The following ZNF474 variants were observed in gnomAD, a reference collection of about 807,000 sequenced individuals.
ZNF474 encodes 4933409D10Rik.
For synonymous variants in ZNF474, 192 were observed against 162.2 expected (o/e 1.18, Z -1.39); for missense variants, 511 against 433.8 (o/e 1.18, Z -1.58).
chr5:122,139,180 A>T (rs1167648642), intron 1 of ZNF474, among the ~76,000 whole-genome samples: 1 of 152,218 alleles, frequency 6.6e-6, no homozygotes, highest in East Asian at 1.9e-4. Context: ...CCCTTCAGTT[A>T]ACCTGTTTCC....
chr5:122,136,554 A>T (rs1282893070), intron 1 of ZNF474, among the ~76,000 whole-genome samples: 1 of 152,294 alleles, frequency 6.6e-6, no homozygotes. Context: ...CTGGTTGCTC[A>T]CTACTTGATA....
intron 1 of ZNF474, among the ~76,000 whole-genome samples, chr5:122,146,904 C>G (rs1319257646): frequency 6.6e-6 from 1 of 152,124 alleles, no homozygotes; most frequent in African/African-American, 2.4e-5. Flanking sequence ...TTCTCTTCTT[C>G]CTTTTCAAGA....
intron 1 of ZNF474, among the ~76,000 whole-genome samples, chr5:122,145,035 G>T (rs182578628): frequency 6.6e-6 from 1 of 152,296 alleles, no homozygotes; most frequent in South Asian, 2.1e-4. Flanking sequence ...AGTTAGAAGC[G>T]CAAAGAGTGC....
rs1580610951 is a variant in ZNF474, at chr5:122,151,852, T to C, written c.-139T>C. 1 of 1,030,242 alleles carries C rather than the reference T, an allele frequency of 9.7e-7. No homozygotes were observed. The highest frequency in any genetic ancestry group is 1.4e-6 in the Non-Finnish European group (1 of 717,016). 63.8% of individuals were successfully genotyped at this position (1,030,242 alleles called of 1,614,324 possible). A position where few individuals can be genotyped will look rare whatever the true frequency, so the allele number is the denominator to read the frequency against. ...TGCCGTCCTGCAATGAAGCTCTGAGTCACGGTCTGTGAGGCTAAGGTACTG... is the reference window on the plus strand; with the variant it reads ...TGCCGTCCTGCAATGAAGCTCTGAGCCACGGTCTGTGAGGCTAAGGTACTG... On this transcript the variant is annotated 5_prime_UTR_variant, in exon 2 of 2. Transcript: ENST00000296600.
At chr5:122,134,688 C>G (rs1258113887) in intron 1 of ZNF474, among the ~76,000 whole-genome samples, 1 of 152,112 alleles carries the variant, frequency 6.6e-6, no homozygotes, top group African/African-American at 2.4e-5. Flanking sequence ...GATGAGATAC[C>G]TTCCAAAAAT....
chr5:122,153,148 TGCCTTGTATCA>T lies in ZNF474; in HGVS notation c.*68_*78del. ...CAGCCCCTAGTATTTTTTCTATCAA[TGCCTTGTATCA>T]GCCTCAAAGCAGCCTGTTCAAGTTA... On this transcript the variant is annotated 3_prime_UTR_variant, in exon 2 of 2. Transcript: ENST00000296600. The T allele has an allele frequency of 6.5e-7, 1 of 1,539,246 alleles. No homozygotes were observed. The highest frequency in any genetic ancestry group is 1.4e-5 in the African/African-American group (1 of 72,512).
intron 1 of ZNF474, among the ~76,000 whole-genome samples, chr5:122,144,418 A>G (rs1755931758): frequency 6.6e-6 from 1 of 152,218 alleles, no homozygotes; most frequent in Non-Finnish European, 1.5e-5. Context: ...AGCTACAGGC[A>G]CAGCTGTTAC....
chr5:122,132,831 C>G (rs775557770), intron 1 of ZNF474, among the ~76,000 whole-genome samples: 2 of 152,106 alleles, frequency 1.3e-5, no homozygotes, highest in Non-Finnish European at 2.9e-5. Flanking sequence ...ACTGTCTATC[C>G]TGTTACATGG....
At chr5:122,140,610 T>C (rs1755812771) in intron 1 of ZNF474, among the ~76,000 whole-genome samples, 1 of 152,184 alleles carries the variant, frequency 6.6e-6, no homozygotes, top group Non-Finnish European at 1.5e-5. Flanking sequence ...ACACCTAGTA[T>C]ACAACTATAA....
At chr5:122,145,933 G>A (rs1755976849) in intron 1 of ZNF474, among the ~76,000 whole-genome samples, 1 of 152,190 alleles carries the variant, frequency 6.6e-6, no homozygotes, top group Non-Finnish European at 1.5e-5. Flanking sequence ...AGATCTCCAA[G>A]GAGGACGCAC....
At chr5:122,136,301 A>T (rs1389314199) in intron 1 of ZNF474, among the ~76,000 whole-genome samples, 1 of 152,178 alleles carries the variant, frequency 6.6e-6, no homozygotes, top group African/African-American at 2.4e-5. Context: ...TAAAAATTTA[A>T]AAAAGAAGAT....
intron 1 of ZNF474, among the ~76,000 whole-genome samples, chr5:122,146,146 C>T (rs183674619): frequency 1.3e-5 from 2 of 152,312 alleles, no homozygotes; most frequent in South Asian, 2.1e-4. Flanking sequence ...TTCTTGCATT[C>T]TCCTCCCATT....
At chr5:122,149,657 TTC>T (rs757295602) in intron 1 of ZNF474, among the ~76,000 whole-genome samples, 1 of 152,238 alleles carries the variant, frequency 6.6e-6, no homozygotes, top group Non-Finnish European at 1.5e-5. Flanking sequence ...TACTTGTCTT[TTC>T]TGAGTCAGTT....
At chr5:122,149,104 G>A (rs1425986602) in intron 1 of ZNF474, among the ~76,000 whole-genome samples, 6 of 152,070 alleles carry the variant, frequency 3.9e-5, no homozygotes, top group Admixed American at 2.6e-4. Flanking sequence ...GGAGCTAAAC[G>A]TCAAGTACAC....
intron 1 of ZNF474, chr5:122,147,800 A>G (rs749514416): frequency 1.3e-5 from 2 of 152,174 alleles, no homozygotes; most frequent in Non-Finnish European, 2.9e-5. Flanking sequence ...TCTAATGCCA[A>G]GATGGTTTTT....
At chr5:122,149,280 A>C (rs1756098554) in intron 1 of ZNF474, among the ~76,000 whole-genome samples, 1 of 152,128 alleles carries the variant, frequency 6.6e-6, no homozygotes, top group Non-Finnish European at 1.5e-5. Context: ...TGTACCCCGA[A>C]CCTATAATAA....
intron 1 of ZNF474, among the ~76,000 whole-genome samples, chr5:122,135,584 T>C (rs1035585601): frequency 3.3e-5 from 5 of 152,146 alleles, no homozygotes; most frequent in Non-Finnish European, 5.9e-5. Context: ...AGTATGGAAG[T>C]TCCTCACAAA....
At chr5:122,141,095 TTTTTA>T (rs201853082) in intron 1 of ZNF474, among the ~76,000 whole-genome samples, 2,023 of 53,172 alleles carry the variant, frequency 0.038, 12 homozygotes, top group Non-Finnish European at 0.064. Context: ...ATTTTTTTAT[TTTTTA>T]TTTTATTTTA....
chr5:122,133,686 A>G (rs1027314613), intron 1 of ZNF474, among the ~76,000 whole-genome samples: 1 of 152,084 alleles, frequency 6.6e-6, no homozygotes, highest in African/African-American at 2.4e-5. Flanking sequence ...CAGTCCCCCA[A>G]GTAGCTGGGA....
Sources: gnomAD v4.1 joint callset for allele counts (sites outside exome capture counted in the v4.1 genomes callset) on GRCh38, gnomAD v4.1.1 for gene constraint, MANE v1.5 for transcripts, NCBI Gene and HGNC (gene_info 2026-07-23, HGNC 2026-07-21) for gene names.